TRPM7: variants seen among roughly 807,000 people sequenced by gnomAD.
The protein encoded by TRPM7 is LTRPC ion channel family member 7.
TRPM7 carries 134 observed loss-of-function variants against 229.7 expected under a neutral mutation model. The ratio of observed to expected loss-of-function variants is 0.58; its 90% CI spans 0.51 to 0.67. The LOEUF (loss-of-function observed/expected upper bound fraction) is 0.67, where lower values mean the gene tolerates loss of function less well. Among genes scored for constraint, TRPM7 ranks in the 30% least tolerant of loss-of-function variants. TRPM7 has a pLI of 0.00. For missense variants in TRPM7, 1,901 were observed against 2,210.0 expected (o/e 0.86, Z 2.80); for synonymous variants, 699 against 715.2 (o/e 0.98, Z 0.36).
intron 6 of TRPM7, 38 bp from the exon 7 acceptor site, chr15:50,637,631 T>TAAATAC (rs1303805766): frequency 1.3e-6 from 2 of 1,550,744 alleles, no homozygotes; most frequent in East Asian, 4.5e-5. Context: ...TGAGCAGGAT[T>TAAATAC]AAATACAGTA....
At chr15:50,611,062 T>C in intron 17 of TRPM7, 31 bp downstream of exon 17, 1 of 1,522,638 alleles carries the variant, frequency 6.6e-7, no homozygotes, top group South Asian at 1.1e-5. Context: ...TCTAATCACA[T>C]GCTTTATATC....
Position 50,569,971 on chromosome 15 carries a change from G to T in TRPM7, c.5383C>A (p.Pro1795Thr). The stretch of plus-strand genomic sequence containing the variant: ...ATTGCATCTTCTCCTAGATTTGCTG[G>T]GCCAAAAACCATATCACAGGATCTG... ...EKRSCDMVFG[P>T]ANLGEDAIKN... The change falls in exon 38 of 39, where the codon CCA becomes ACA. Residue 1795 changes from proline to threonine, a missense_variant. Around this residue, in one of 8 missense-constraint regions of TRPM7, gnomAD observed 257 missense variants for 352.0 expected, o/e 0.73. Coordinates refer to ENST00000646667, the MANE Select transcript of TRPM7 (RefSeq NM_017672.6). 1 of 1,609,856 alleles carries T rather than the reference G, an allele frequency of 6.2e-7. No individual in the cohort carries two copies. Among genetic ancestry groups the T allele is most frequent in the Admixed American group, 1.7e-5 (1 of 59,590 alleles).
At position 50,633,324 on chromosome 15, in the gene TRPM7, T is replaced by C. The variant is rs113543537; in HGVS notation, c.1008-332A>G. Among the ~76,000 whole-genome samples, 259 of 152,320 alleles carry C rather than the reference T, an allele frequency of 1.7e-3. No homozygotes were observed. The Middle Eastern group carries it at 0.02, about 12-fold the overall frequency. ...AACTAGTATTTCACCACGATGTTCT[T>C]AAACATAGGAACTCACATTTTTCTT... On this transcript the variant is annotated intron_variant, in intron 8 of 38. Coordinates refer to ENST00000646667, the MANE Select transcript of TRPM7 (RefSeq NM_017672.6).
chr15:50,641,482 A>G (rs1267503124), intron 5 of TRPM7, among the ~76,000 whole-genome samples: 4 of 151,980 alleles, frequency 2.6e-5, no homozygotes, highest in African/African-American at 7.2e-5. Flanking sequence ...GCTCTCCTTG[A>G]CCATGTAACA....
intron 19 of TRPM7, among the ~76,000 whole-genome samples, chr15:50,608,241 T>C (rs1404299386): frequency 6.6e-6 from 1 of 152,082 alleles, no homozygotes; most frequent in East Asian, 1.9e-4. Flanking sequence ...ACAAAACAGG[T>C]TACAGAGAGG....
chr15:50,574,457 A>G lies in TRPM7; in HGVS notation c.5125T>C (p.Tyr1709His), dbSNP rs1371436368. 8 of 1,612,980 alleles carry G rather than the reference A, an allele frequency of 5.0e-6. No homozygotes were observed. The highest frequency in any genetic ancestry group is 1.3e-5 in the African/African-American group (1 of 74,912). Reference sequence around the variant, plus strand: ...AACCACTGTCCTGCTGAATGGCAATACAGCAGGAAAACTTCAAGGAACCTT... The same window carrying G: ...AACCACTGTCCTGCTGAATGGCAATGCAGCAGGAAAACTTCAAGGAACCTT... ...SPRFLEVFLL[Y>H]CHSAGQWFAV... The change falls in exon 36 of 39, where the codon TAT becomes CAT. Residue 1709 changes from tyrosine to histidine, a missense_variant. Physicochemically the swap from Tyr to His is moderately conservative, Grantham distance 83 (BLOSUM62 2). Coordinates refer to ENST00000646667, the MANE Select transcript of TRPM7 (RefSeq NM_017672.6).
At chr15:50,596,178 T>A (rs2059625837) in intron 23 of TRPM7, 77 bp downstream of exon 23, 1 of 1,052,964 alleles carries the variant, frequency 9.5e-7, no homozygotes, top group East Asian at 3.0e-5. Context: ...AGATTTTAAG[T>A]TCTATAAATT....
At chr15:50,658,941 G>A (rs768318030) in intron 2 of TRPM7, among the ~76,000 whole-genome samples, 1 of 152,274 alleles carries the variant, frequency 6.6e-6, no homozygotes, top group East Asian at 1.9e-4. Flanking sequence ...GCTCACGCCT[G>A]TAATGCCAGC....
chr15:50,603,712 T>A (rs575715020), intron 21 of TRPM7, among the ~76,000 whole-genome samples: 1 of 152,192 alleles, frequency 6.6e-6, no homozygotes, highest in African/African-American at 2.4e-5. Flanking sequence ...CAGTCTATCA[T>A]TGATGGACAT....
In TRPM7 at chr15:50,673,713, A is replaced by T. The variant is rs114235919; in HGVS notation, c.4-10667T>A. The stretch of plus-strand genomic sequence containing the variant: ...TTTGAGTTGGTTCCACATTTTTGCA[A>T]TTATGAATTACGCTGCTATAAACAT... On this transcript the variant is annotated intron_variant, in intron 1 of 38. Transcript: ENST00000646667. Among the ~76,000 whole-genome samples, 290 of 152,148 alleles carry T rather than the reference A, an allele frequency of 1.9e-3. 1 individual carries two copies. Among genetic ancestry groups the T allele is most frequent in the African/African-American group, 6.4e-3 (266 of 41,488 alleles).
At chr15:50,575,693 A>G (rs764782970) in intron 33 of TRPM7, 31 bp downstream of exon 33, 3 of 1,577,582 alleles carry the variant, frequency 1.9e-6, no homozygotes, top group South Asian at 2.3e-5. Flanking sequence ...GTTAATTTTC[A>G]CTTATTTATT....
chr15:50,686,163 C>T (rs2062355789), intron 1 of TRPM7, among the ~76,000 whole-genome samples: 2 of 152,328 alleles, frequency 1.3e-5, no homozygotes, highest in South Asian at 4.1e-4. Flanking sequence ...GAGGACCGTG[C>T]TCCCAGGAGA....
intron 31 of TRPM7, 60 bp from the exon 32 acceptor site, chr15:50,575,979 A>C: frequency 6.6e-7 from 1 of 1,518,036 alleles, no homozygotes; most frequent in Non-Finnish European, 9.0e-7. Flanking sequence ...CAAAAATTTT[A>C]ACCCGGATAA....
At chr15:50,653,176 C>T (rs1248819394) in intron 3 of TRPM7, among the ~76,000 whole-genome samples, 1 of 152,112 alleles carries the variant, frequency 6.6e-6, no homozygotes, top group Non-Finnish European at 1.5e-5. Flanking sequence ...AAGAAACGGA[C>T]GTGGTGGCTC....
In TRPM7 at chr15:50,677,801, T is replaced by C. The variant is rs1473690676; in HGVS notation, c.3+8730A>G. Among the ~76,000 whole-genome samples, 3 of 142,996 alleles carry C rather than the reference T, an allele frequency of 2.1e-5. No homozygotes were observed. In the East Asian group the frequency reaches 6.2e-4, roughly 30 times the overall value. 93.8% of individuals were successfully genotyped at this position (142,996 alleles called of 152,430 possible). A position where few individuals can be genotyped will look rare whatever the true frequency, so the allele number is the denominator to read the frequency against. On this transcript the variant is annotated intron_variant, in intron 1 of 38. Transcript: ENST00000646667. ...AGCCTCTACTAAGTAACAATCCCAATGTCCAATATACACTCCAAAATGACT... is the reference window on the plus strand; with the variant it reads ...AGCCTCTACTAAGTAACAATCCCAACGTCCAATATACACTCCAAAATGACT...
intron 24 of TRPM7, 87 bp downstream of exon 24, chr15:50,594,342 A>G (rs2059583028): frequency 1.6e-6 from 2 of 1,255,308 alleles, no homozygotes; most frequent in Non-Finnish European, 2.2e-6. Context: ...CCACTAAGTC[A>G]TTTTTGAATA....
intron 36 of TRPM7, among the ~76,000 whole-genome samples, chr15:50,573,167 C>G (rs1446036879): frequency 6.6e-6 from 1 of 152,128 alleles, no homozygotes; most frequent in Non-Finnish European, 1.5e-5. Flanking sequence ...GCATATCGTT[C>G]TACCCATCAA....
chr15:50,561,143 C>A lies in TRPM7; in HGVS notation c.*535G>T. 1 of 152,900 alleles carries A rather than the reference C, an allele frequency of 6.5e-6. No individual in the cohort carries two copies. Among genetic ancestry groups the A allele is most frequent in the Non-Finnish European group, 1.5e-5 (1 of 68,250 alleles). 9.5% of individuals were successfully genotyped at this position (152,900 alleles called of 1,614,324 possible). The stretch of plus-strand genomic sequence containing the variant: ...TTCAGGCTTCTCATACCTCTGTGAA[C>A]CTAGAATTAGAACAAGTCATTTCCC... On this transcript the variant is annotated 3_prime_UTR_variant, in exon 39 of 39. Transcript: ENST00000646667.
intron 1 of TRPM7, among the ~76,000 whole-genome samples, chr15:50,673,596 T>C (rs897717491): frequency 1.3e-5 from 2 of 152,164 alleles, no homozygotes; most frequent in Admixed American, 6.6e-5. Context: ...GTGAATGCCA[T>C]TAATTCATTC....
Sources: gnomAD v4.1 joint callset for allele counts (sites outside exome capture counted in the v4.1 genomes callset) on GRCh38, gnomAD v4.1.1 for gene constraint, gnomAD v4.1.1 regional missense constraint, MANE v1.5 for transcripts, NCBI Gene and HGNC (gene_info 2026-07-23, HGNC 2026-07-21) for gene names.